The following SYT10 variants were observed in gnomAD, a reference collection of about 807,000 sequenced individuals.
The protein encoded by SYT10 is synaptotagmin-10.
Under a neutral mutation model 51.1 loss-of-function variants are expected in SYT10, and 31 were observed. That is an observed-to-expected ratio of 0.61 (90% CI 0.46 to 0.82). The LOEUF (loss-of-function observed/expected upper bound fraction) is 0.82, where lower values mean the gene tolerates loss of function less well. SYT10 is among the 40% of genes least tolerant of loss of function. The pLI, the probability that SYT10 is intolerant of heterozygous loss-of-function variation, is 0.00. For synonymous variants in SYT10, 233 were observed against 225.9 expected, an observed-to-expected ratio of 1.03 and a Z score of -0.28; for missense variants, 603 against 634.0, an observed-to-expected ratio of 0.95 and a Z score of 0.53.
At chr12:33,406,528 T>G (rs1190602452) in intron 3 of SYT10, among the ~76,000 whole-genome samples, 1 of 152,188 alleles carries the variant, frequency 6.6e-6, no homozygotes, top group East Asian at 1.9e-4. Flanking sequence ...TACAGATGAA[T>G]ATTTTAAAGG....
In SYT10 at chr12:33,380,003, A is replaced by T. The variant is rs769924707; in HGVS notation, c.1371-42T>A. 5 of 1,558,476 alleles carry T rather than the reference A, an allele frequency of 3.2e-6. No individual in the cohort carries two copies. In the African/African-American group the frequency reaches 6.8e-5, roughly 21 times the overall value. Reference sequence around the variant, plus strand: ...ATTATATTTTCATTTCCAACATTCAAAGATAAAGGGGGTTTCACAAATCGT... The same window carrying T: ...ATTATATTTTCATTTCCAACATTCATAGATAAAGGGGGTTTCACAAATCGT... On this transcript the variant is annotated intron_variant, in intron 5 of 6. Coordinates refer to ENST00000228567, the MANE Select transcript of SYT10 (RefSeq NM_198992.4).
At chr12:33,389,610 TATTAGGAAGTAAGAATC>T (rs1173732367) in intron 3 of SYT10, among the ~76,000 whole-genome samples, 3 of 152,052 alleles carry the variant, frequency 2.0e-5, no homozygotes, top group Non-Finnish European at 2.9e-5. Flanking sequence ...TTCAGTGATA[TATTAGGAAGTAAGAATC>T]ATTAACACGT....
At position 33,383,511 on chromosome 12, in the gene SYT10, A is replaced by G. The variant is rs548382613; in HGVS notation, c.1199-991T>C. Among the ~76,000 whole-genome samples, 6 of 152,288 alleles carry G rather than the reference A, an allele frequency of 3.9e-5. No individual in the cohort carries two copies. The East Asian group carries it at 1.2e-3, about 29-fold the overall frequency. On this transcript the variant is annotated intron_variant, in intron 4 of 6. Coordinates refer to ENST00000228567, the MANE Select transcript of SYT10 (RefSeq NM_198992.4). ...AGGTATTCGTGGCTGGAAATAGGGT[A>G]TGTAGAGGAAAACAAGATAACAGGG...
intron 2 of SYT10, among the ~76,000 whole-genome samples, chr12:33,409,406 G>A (rs970309693): frequency 6.6e-6 from 1 of 151,874 alleles, no homozygotes; most frequent in African/African-American, 2.4e-5. Context: ...TGGTAGAGAT[G>A]GGGTTTCACC....
At chr12:33,380,465 TGTTCA>T (rs1330520681) in intron 5 of SYT10, among the ~76,000 whole-genome samples, 1 of 152,222 alleles carries the variant, frequency 6.6e-6, no homozygotes, top group African/African-American at 2.4e-5. Context: ...GGCAGGATTA[TGTTCA>T]GTTGCATGGC....
chr12:33,410,496 T>C (rs1298251846), intron 2 of SYT10, among the ~76,000 whole-genome samples: 6 of 151,212 alleles, frequency 4.0e-5, no homozygotes, highest in Non-Finnish European at 5.9e-5. Context: ...TCTACTGTAC[T>C]ATTCACAGAC....
intron 1 of SYT10, among the ~76,000 whole-genome samples, chr12:33,428,016 T>C (rs1866566756): frequency 6.6e-6 from 1 of 152,172 alleles, no homozygotes. Flanking sequence ...AAGGCAAGAC[T>C]GGAAGAGGAA....
intron 2 of SYT10, among the ~76,000 whole-genome samples, chr12:33,411,794 A>G (rs1248325098): frequency 6.6e-6 from 1 of 152,166 alleles, no homozygotes. Flanking sequence ...TAGGCATGAC[A>G]TGAAATGTAT....
At chr12:33,395,699 T>C (rs1421055473) in intron 3 of SYT10, among the ~76,000 whole-genome samples, 1 of 152,196 alleles carries the variant, frequency 6.6e-6, no homozygotes, top group East Asian at 1.9e-4. Flanking sequence ...TGCATATCAG[T>C]CACAGTTTTA....
At position 33,407,365 on chromosome 12, in the gene SYT10, A is replaced by G; in HGVS notation, c.510-9T>C. 1 of 1,596,334 alleles carries G rather than the reference A, an allele frequency of 6.3e-7. No individual in the cohort carries two copies. Reference sequence around the variant, plus strand: ...TTCGGAAGGAACTGTGGCTGAACACACACACATATACACAAAATCATTGAG... The same window carrying G: ...TTCGGAAGGAACTGTGGCTGAACACGCACACATATACACAAAATCATTGAG... On this transcript the variant is annotated splice_polypyrimidine_tract_variant and intron_variant, in intron 2 of 6. Coordinates refer to ENST00000228567, the MANE Select transcript of SYT10 (RefSeq NM_198992.4).
chr12:33,406,932 G>A lies in SYT10; in HGVS notation c.934C>T (p.Arg312Ter), dbSNP rs534242250. The change falls in exon 3 of 7, where the codon CGA becomes TGA. Residue 312 changes from arginine (R) to a stop codon, truncating the protein, a stop_gained. Coordinates refer to ENST00000228567, the MANE Select transcript of SYT10 (RefSeq NM_198992.4). LOFTEE classifies it high-confidence loss of function. ...TCATACACACTGAAATGTAGTTTTC[G>A]GTTGCTTAGTTGATCATATGCTACA... The part of the protein sequence containing the change: ...FPVAYDQLSN[R>*]KLHFSVYDFD... The A allele has an allele frequency of 1.9e-5, 30 of 1,613,946 alleles. No homozygotes were observed. Among genetic ancestry groups the A allele is most frequent in the East Asian group, 4.5e-5 (2 of 44,844 alleles).
In SYT10 at chr12:33,426,456, C is replaced by A. The variant is rs754558009; in HGVS notation, c.191G>T (p.Cys64Phe). The change falls in exon 2 of 7, where the codon TGT becomes TTT. Residue 64 changes from cysteine (C) to phenylalanine (F), a missense_variant. Physicochemically the swap from Cys to Phe is radical, Grantham distance 205. Transcript: ENST00000228567. ...TGAGACAACCAACAAGGCCAGTCCA[C>A]AAAAGCTGACAACGACAGCTAACAG... ...VSLLAVVVSF[C>F]GLALLVVSLF... is the part of the protein sequence containing the mutation. 1 of 1,603,950 alleles carries A rather than the reference C, an allele frequency of 6.2e-7. No homozygotes were observed. Among genetic ancestry groups the A allele is most frequent in the Admixed American group, 1.7e-5 (1 of 57,422 alleles).
chr12:33,385,141 C>T (rs758641520), intron 4 of SYT10, 30 bp downstream of exon 4: 4 of 1,606,606 alleles, frequency 2.5e-6, no homozygotes, highest in African/African-American at 1.3e-5. Flanking sequence ...TGAGATTGTG[C>T]CCTTGGTCCT....
intron 1 of SYT10, among the ~76,000 whole-genome samples, chr12:33,439,017 G>T (rs1171353097): frequency 1.3e-5 from 2 of 152,228 alleles, no homozygotes; most frequent in East Asian, 1.9e-4. Context: ...GCCAAGCCGC[G>T]AGCCGTCCCG....
intron 1 of SYT10, among the ~76,000 whole-genome samples, chr12:33,431,996 G>A (rs1866600738): frequency 1.3e-5 from 2 of 152,014 alleles, no homozygotes; most frequent in African/African-American, 4.8e-5. Flanking sequence ...GGAAAAACAA[G>A]GACATCATTA....
rs1253866185 is a variant in SYT10 at position 33,375,391 on chromosome 12, G to A, written c.*1439C>T. On this transcript the variant is annotated 3_prime_UTR_variant, in exon 7 of 7. Coordinates refer to ENST00000228567, the MANE Select transcript of SYT10 (RefSeq NM_198992.4). ...CCGCTGATAAAATTTTCTCATCCAG[G>A]TAAATATGTTTTTATTTTCTTGCCT... 5 of 151,606 alleles carry A rather than the reference G, an allele frequency of 3.3e-5. No individual in the cohort carries two copies. 9.4% of individuals were successfully genotyped at this position (151,606 alleles called of 1,614,324 possible).
At chr12:33,417,557 AT>A (rs1230625395) in intron 2 of SYT10, among the ~76,000 whole-genome samples, 1 of 152,258 alleles carries the variant, frequency 6.6e-6, no homozygotes, top group Non-Finnish European at 1.5e-5. Context: ...CAGAAAATGT[AT>A]CAACACAATA....
Position 33,406,855 on chromosome 12 carries a change from A to AT in SYT10, c.1010dup (p.Asn337LysfsTer4). 1 of 1,614,040 alleles carries AT rather than the reference A, an allele frequency of 6.2e-7. No individual in the cohort carries two copies. The highest frequency in any genetic ancestry group is 8.5e-7 in the Non-Finnish European group (1 of 1,180,012). Reference sequence around the variant, plus strand: ...TGGAGAGATCAGAGACTTCAAACAAATTATCAAGAATCACTTCCCCAATCA... The same window carrying AT: ...TGGAGAGATCAGAGACTTCAAACAAATTTATCAAGAATCACTTCCCCAATCA... On this transcript the variant is annotated frameshift_variant, in exon 3 of 7. Transcript: ENST00000228567. LOFTEE classifies it high-confidence loss of function.
At position 33,409,510 on chromosome 12, in the gene SYT10, TTTC is replaced by T. The variant is rs1277537805; in HGVS notation, c.510-2157_510-2155del. Among the ~76,000 whole-genome samples, 5 of 144,868 alleles carry T rather than the reference TTTC, an allele frequency of 3.5e-5. No homozygotes were observed. In the East Asian group the frequency reaches 6.2e-4, roughly 18 times the overall value. ...GGGATTACAGGCGTGAGAACATTGA[TTTC>T]TTTTCTTTTTTTTTTTTTGAGACGG... On this transcript the variant is annotated intron_variant, in intron 2 of 6. Coordinates refer to ENST00000228567, the MANE Select transcript of SYT10 (RefSeq NM_198992.4).
Sources: gnomAD v4.1 joint callset for allele counts (sites outside exome capture counted in the v4.1 genomes callset) on GRCh38, gnomAD v4.1.1 for gene constraint, MANE v1.5 for transcripts, NCBI Gene and HGNC (gene_info 2026-07-23, HGNC 2026-07-21) for gene names.